The following KCNA6 variants were observed in gnomAD, a reference collection of about 807,000 sequenced individuals.
KCNA6 encodes the protein potassium voltage-gated channel subfamily A member 6.
In KCNA6, 17 loss-of-function variants were observed where a neutral mutation model predicts 29.5. The ratio of observed to expected loss-of-function variants is 0.58; its 90% confidence interval spans 0.39 to 0.86. The LOEUF (loss-of-function observed/expected upper bound fraction) is 0.86, where lower values mean the gene tolerates loss of function less well. Ranked by LOEUF, KCNA6 falls within the 40% of genes least tolerant of loss-of-function variation. The pLI, the probability that KCNA6 is intolerant of heterozygous loss-of-function variation, is 0.00. For missense variants in KCNA6, 450 were observed against 703.4 expected (o/e 0.64, Z 4.07); for synonymous variants, 296 against 304.7 (o/e 0.97, Z 0.30).
chr12:4,811,635 A>G lies in KCNA6; in HGVS notation c.*4A>G, dbSNP rs1162123973. On this transcript the variant is annotated 3_prime_UTR_variant, in exon 1 of 1. Coordinates refer to ENST00000280684, the Ensembl canonical transcript of KCNA6. This position sits in a 1 kb window ranked among gnomAD's most constrained non-coding sequence, Gnocchi z 7.1. Reference sequence around the variant, plus strand: ...AAGAATGCTCACGGAGGTCTGACCCATGCAGGCAGGGCCTGCAGGAGGGGA... The same window carrying G: ...AAGAATGCTCACGGAGGTCTGACCCGTGCAGGCAGGGCCTGCAGGAGGGGA... 7 of 1,609,778 alleles carry G rather than the reference A, an allele frequency of 4.3e-6. No individual in the cohort carries two copies. The highest frequency in any genetic ancestry group is 1.7e-5 in the Admixed American group (1 of 59,764).
chr12:4,843,413 C>G, the KCNA6 span, among the ~76,000 whole-genome samples: 1 of 152,100 alleles, frequency 6.6e-6, no homozygotes, highest in African/African-American at 2.4e-5. Flanking sequence ...ATCTCCTGAC[C>G]TTGTGATCTG....
chr12:4,839,579 G>A, the KCNA6 span, among the ~76,000 whole-genome samples: 52,622 of 151,972 alleles, frequency 0.35, 9,409 homozygotes, highest in African/African-American at 0.4. Flanking sequence ...CTCAGGGGTC[G>A]GCACCCCTAA....
the KCNA6 span, among the ~76,000 whole-genome samples, chr12:4,839,853 G>A: frequency 3.3e-5 from 5 of 152,254 alleles, no homozygotes; most frequent in African/African-American, 1.2e-4. Flanking sequence ...TATCAGAGGA[G>A]GCCACCAAGC....
the KCNA6 span, among the ~76,000 whole-genome samples, chr12:4,845,909 G>T: frequency 6.6e-6 from 1 of 150,574 alleles, no homozygotes; most frequent in Non-Finnish European, 1.5e-5. Context: ...TTCTACATTT[G>T]TCACTGGATT....
the KCNA6 span, among the ~76,000 whole-genome samples, chr12:4,840,195 TTATCTATCTATCTATC>T: frequency 2.2e-3 from 327 of 150,238 alleles, 2 homozygotes; most frequent in African/African-American, 6.9e-3. Context: ...ATGATGATTA[TTATCTATCTATCTATC>T]TATCTATCTA....
Position 4,810,320 on chromosome 12 carries a change from C to T in KCNA6, c.279C>T (p.Phe93=), listed in dbSNP as rs1591588821. The T allele has an allele frequency of 6.2e-7, 1 of 1,614,132 alleles. No homozygotes were observed. The highest frequency in any genetic ancestry group is 8.5e-7 in the Non-Finnish European group (1 of 1,180,030). Reference sequence around the variant, plus strand: ...TCTTCGACCGCAACCGGCCCAGCTTCGACGCCATCCTCTACTACTACCAGT... The same window carrying T: ...TCTTCGACCGCAACCGGCCCAGCTTTGACGCCATCCTCTACTACTACCAGT... Residue 93 remains phenylalanine (F), a synonymous_variant, in exon 1 of 1, where the codon TTC becomes TTT. Transcript: ENST00000280684. The surrounding 1 kb of genome is among the most constrained non-coding windows in gnomAD (Gnocchi z 7.5).
chr12:4,838,711 G>A, the KCNA6 span, among the ~76,000 whole-genome samples: 1 of 152,222 alleles, frequency 6.6e-6, no homozygotes, highest in East Asian at 1.9e-4. Flanking sequence ...CCGTCATCAA[G>A]GTGTCAGCAA....
At chr12:4,850,295 C>T in the KCNA6 span, among the ~76,000 whole-genome samples, 5 of 100,086 alleles carry the variant, frequency 5.0e-5, no homozygotes, top group South Asian at 2.9e-4. The surrounding 1 kb of genome is among the most constrained non-coding windows in gnomAD (Gnocchi z 5.4). Context: ...GCTGAGGGTC[C>T]GAGAGGGGGA....
downstream of KCNA6, chr12:4,814,850 GGA>G: frequency 6.0e-6 from 1 of 166,996 alleles, no homozygotes; most frequent in Non-Finnish European, 1.5e-5. This position sits in a 1 kb window ranked among gnomAD's most constrained non-coding sequence, Gnocchi z 4.6. Flanking sequence ...AACGGGGTGG[GGA>G]GAGAGAGAAA....
rs1339393552 is a variant in KCNA6, at chr12:4,810,070, C to T, written c.29C>T (p.Ala10Val). The T allele has an allele frequency of 1.9e-6, 3 of 1,545,674 alleles. No individual in the cohort carries two copies. Among genetic ancestry groups the T allele is most frequent in the Non-Finnish European group, 2.6e-6 (3 of 1,149,426 alleles). The change falls in exon 1 of 1, where the codon GCG (alanine) becomes GTG (valine). Residue 10 changes from alanine (A) to valine (V), a missense_variant. Transcript: ENST00000280684. The surrounding 1 kb of genome is among the most constrained non-coding windows in gnomAD (Gnocchi z 7.5). ...AGATCGGAGAAATCCCTTACGCTGG[C>T]GGCGCCGGGGGAGGTCCGTGGGCCG...
chr12:4,842,540 A>T, the KCNA6 span: 2 of 152,448 alleles, frequency 1.3e-5, no homozygotes, highest in African/African-American at 4.8e-5. Flanking sequence ...AGGAAACATG[A>T]CTGGAGAGGC....
At chr12:4,837,646 G>A in the KCNA6 span, among the ~76,000 whole-genome samples, 4 of 152,166 alleles carry the variant, frequency 2.6e-5, no homozygotes, top group Non-Finnish European at 4.4e-5. Flanking sequence ...TTGTTGTGGT[G>A]TGAGAGCAGA....
chr12:4,849,238 TAC>T, the KCNA6 span, among the ~76,000 whole-genome samples: 3 of 152,176 alleles, frequency 2.0e-5, no homozygotes, highest in Non-Finnish European at 4.4e-5. Context: ...ATGTTTAATT[TAC>T]ATTCATAGCA....
Position 4,811,595 on chromosome 12 carries a change from G to GGCCTAT in KCNA6, c.1557_1562dup (p.Tyr520_Ala521dup). ...CCAGCTACCTTCCTACACCACATCG[G>GGCCTAT]GCCTATGCAGAGAAAAGAATGCTCA... is the stretch of plus-strand genomic sequence containing the variant. On this transcript the variant is annotated inframe_insertion, in exon 1 of 1. Transcript: ENST00000280684. The surrounding 1 kb of genome is among the most constrained non-coding windows in gnomAD (Gnocchi z 7.1). 1 of 1,614,140 alleles carries GGCCTAT rather than the reference G, an allele frequency of 6.2e-7. No homozygotes were observed. Among genetic ancestry groups the GGCCTAT allele is most frequent in the Non-Finnish European group, 8.5e-7 (1 of 1,179,996 alleles).
At chr12:4,809,792 C>T in exon 1 of KCNA6, 1 of 458,588 alleles carries the variant, frequency 2.2e-6, no homozygotes, top group Non-Finnish European at 3.8e-6. Context: ...TAAGCTCTAG[C>T]ACCCGGGCGC....
the KCNA6 span, among the ~76,000 whole-genome samples, chr12:4,827,637 C>T: frequency 1.3e-5 from 2 of 152,170 alleles, no homozygotes; most frequent in African/African-American, 4.8e-5. Context: ...AGTGAGCAGC[C>T]CCAAGGGCAG....
chr12:4,851,042 G>A, the KCNA6 span: 1 of 276,744 alleles, frequency 3.6e-6, no homozygotes, highest in Non-Finnish European at 7.4e-6. Flanking sequence ...AGGTGCATGG[G>A]TATGTTGCAG....
At chr12:4,837,288 A>C in the KCNA6 span, among the ~76,000 whole-genome samples, 1 of 151,862 alleles carries the variant, frequency 6.6e-6, no homozygotes, top group Non-Finnish European at 1.5e-5. Context: ...TGCCCTGTAC[A>C]TCTCTTCATC....
downstream of KCNA6, among the ~76,000 whole-genome samples, chr12:4,817,608 A>G (rs1369830094): frequency 6.6e-6 from 1 of 152,180 alleles, no homozygotes; most frequent in East Asian, 1.9e-4. Flanking sequence ...GAAGGTGCAC[A>G]TTAACAATAG....
Sources: gnomAD v4.1 joint callset for allele counts (sites outside exome capture counted in the v4.1 genomes callset) on GRCh38, gnomAD v4.1.1 for gene constraint, Gnocchi (gnomAD v3.1) non-coding constraint, MANE v1.5 for transcripts, NCBI Gene and HGNC (gene_info 2026-07-23, HGNC 2026-07-21) for gene names.